PCDHA8: variants seen among roughly 807,000 people sequenced by gnomAD.
The protein encoded by PCDHA8 is protocadherin alpha 8, also known as protocadherin alpha-8.
In PCDHA8, 53 loss-of-function variants were observed where a neutral mutation model predicts 61.8. The ratio of observed to expected loss-of-function variants is 0.86; its 90% CI spans 0.69 to 1.08. The LOEUF is 1.08. PCDHA8 is among the 50% of genes least tolerant of loss of function. The pLI is 0.00. For missense variants in PCDHA8, 1,293 were observed against 1,245.0 expected, an observed-to-expected ratio of 1.04 and a Z score of -0.58; for synonymous variants, 618 against 556.6, an observed-to-expected ratio of 1.11 and a Z score of -1.55.
Position 140,841,572 on chromosome 5 carries a change from T to C in PCDHA8, c.251T>C (p.Leu84Ser), listed in dbSNP as rs1562389584. The C allele has an allele frequency of 2.5e-6, 4 of 1,613,982 alleles. No homozygotes were observed. Among genetic ancestry groups the C allele is most frequent in the Middle Eastern group, 1.7e-4 (1 of 5,976 alleles). Residue 84 changes from leucine to serine, a missense_variant, in exon 1 of 4, where the codon TTG (leucine) becomes TCG (serine). Leu to Ser is a moderately radical substitution (Grantham distance 145, BLOSUM62 -2). Transcript: ENST00000531613. ...LLEVSLQNGILFVNSRIDREE... is the reference protein window; with the variant it reads ...LLEVSLQNGISFVNSRIDREE... ...GAGGTAAGTCTGCAGAATGGCATTTTGTTTGTGAATTCTCGGATCGACCGC... is the reference window on the plus strand; with the variant it reads ...GAGGTAAGTCTGCAGAATGGCATTTCGTTTGTGAATTCTCGGATCGACCGC...
rs199976895 is a variant in PCDHA8 at position 140,968,276 on chromosome 5, G to T, written c.2395-10673G>T. The T allele has an allele frequency of 9.2e-5, 148 of 1,613,952 alleles. No homozygotes were observed. Among genetic ancestry groups the T allele is most frequent in the Admixed American group, 5.5e-4 (33 of 60,008 alleles). On this transcript the variant is annotated intron_variant, in intron 1 of 3. Transcript: ENST00000531613. ...CCCAGATGAAAAGGAGAATGCAGAGGTGACCTACTCCCTTCTGGAGAGGGA... is the reference window on the plus strand; with the variant it reads ...CCCAGATGAAAAGGAGAATGCAGAGTTGACCTACTCCCTTCTGGAGAGGGA...
rs782181380 is a variant in PCDHA8 at position 140,857,975 on chromosome 5, C to A, written c.2394+14260C>A. 5 of 1,596,906 alleles carry A rather than the reference C, an allele frequency of 3.1e-6. 1 individual carries two copies. The highest frequency in any genetic ancestry group is 3.4e-6 in the Non-Finnish European group (4 of 1,167,228). On this transcript the variant is annotated intron_variant, in intron 1 of 3. Coordinates refer to ENST00000531613, the MANE Select transcript of PCDHA8 (RefSeq NM_018911.3). ...CGCTCTGGATGAGACTGACTCGCCA[C>A]GCCAGCGCCTACTGGTGCTGGTGAA...
chr5:140,854,665 T>C (rs2043184095), intron 1 of PCDHA8: 1 of 150,092 alleles, frequency 6.7e-6, no homozygotes, highest in Non-Finnish European at 1.5e-5. Context: ...AATTAACCCT[T>C]GCATAAGACC....
At chr5:140,897,610 C>T (rs1439314706) in intron 1 of PCDHA8, among the ~76,000 whole-genome samples, 2 of 152,078 alleles carry the variant, frequency 1.3e-5, no homozygotes, top group East Asian at 1.9e-4. Context: ...TGGGTTGGTT[C>T]CAAGTCTTTA....
intron 1 of PCDHA8, chr5:140,856,365 A>C: frequency 3.1e-6 from 5 of 1,598,426 alleles, no homozygotes; most frequent in Non-Finnish European, 2.6e-6. Flanking sequence ...ATCCACCTGG[A>C]GGTGATCGTG....
chr5:140,944,242 C>T (rs969404044), intron 1 of PCDHA8, among the ~76,000 whole-genome samples: 1 of 152,172 alleles, frequency 6.6e-6, no homozygotes, highest in African/African-American at 2.4e-5. Flanking sequence ...GGCTGGAGTG[C>T]AGTGATGTGA....
At chr5:140,979,865 G>C (rs2096867408) in intron 2 of PCDHA8, among the ~76,000 whole-genome samples, 1 of 152,162 alleles carries the variant, frequency 6.6e-6, no homozygotes, top group Non-Finnish European at 1.5e-5. Flanking sequence ...CAAAATATCT[G>C]GGCAACTATC....
chr5:141,009,702 C>T lies in PCDHA8; in HGVS notation c.2618C>T (p.Pro873Leu). 1 of 1,614,056 alleles carries T rather than the reference C, an allele frequency of 6.2e-7. No individual in the cohort carries two copies. The highest frequency in any genetic ancestry group is 8.5e-7 in the Non-Finnish European group (1 of 1,180,028). The change falls in exon 4 of 4, where the codon CCA becomes CTA. Residue 873 changes from proline to leucine, a missense_variant. Transcript: ENST00000531613. ...AACAGCTGGACCTTTAAATACGGAC[C>T]AGGCAACCCCAAACAATCCGGTCCC... is the stretch of plus-strand genomic sequence containing the variant. The part of the protein sequence containing the change: ...NSNSWTFKYG[P>L]GNPKQSGPGE...
chr5:141,000,417 A>ATTTT (rs1563652061), intron 3 of PCDHA8, among the ~76,000 whole-genome samples: 4 of 77,746 alleles, frequency 5.1e-5, no homozygotes, highest in African/African-American at 1.1e-4. Flanking sequence ...ATATATATAT[A>ATTTT]TATATTTTTT....
At chr5:140,917,518 C>T (rs1159309425) in intron 1 of PCDHA8, among the ~76,000 whole-genome samples, 3 of 152,198 alleles carry the variant, frequency 2.0e-5, no homozygotes, top group Non-Finnish European at 4.4e-5. Context: ...AGGTTTTATT[C>T]TACGGTTTGT....
At chr5:140,924,662 A>C (rs891233024) in intron 1 of PCDHA8, among the ~76,000 whole-genome samples, 6 of 152,166 alleles carry the variant, frequency 3.9e-5, no homozygotes, top group Non-Finnish European at 5.9e-5. Flanking sequence ...TGGGAGGCCG[A>C]GGCAGGCCAA....
At chr5:140,845,035 G>A (rs1427311138) in intron 1 of PCDHA8, among the ~76,000 whole-genome samples, 3 of 149,148 alleles carry the variant, frequency 2.0e-5, no homozygotes, top group Middle Eastern at 3.4e-3. Context: ...GCATATTTTA[G>A]CCCCCTTGTC....
chr5:140,928,126 C>G (rs782461261), intron 1 of PCDHA8: 1 of 1,614,058 alleles, frequency 6.2e-7, no homozygotes, highest in African/African-American at 1.3e-5. Context: ...CAGTGAATAC[C>G]AAGTCCTGAT....
intron 1 of PCDHA8, among the ~76,000 whole-genome samples, chr5:140,903,309 A>C (rs1435676177): frequency 6.6e-6 from 1 of 152,226 alleles, no homozygotes; most frequent in Non-Finnish European, 1.5e-5. Context: ...GTATACAATA[A>C]AGACAGCATT....
At chr5:140,978,597 A>G (rs897045455) in intron 1 of PCDHA8, among the ~76,000 whole-genome samples, 1 of 152,234 alleles carries the variant, frequency 6.6e-6, no homozygotes, top group Non-Finnish European at 1.5e-5. Flanking sequence ...TTAATGGGGC[A>G]CTTGAGGGCA....
rs145229632 is a variant in PCDHA8 at position 140,928,096 on chromosome 5, C to A, written c.2395-50853C>A. ...CTACTACAGCCTGCTGATTGATGGG[C>A]CCCTGGACCGGGAGCAGATCAGTGA... On this transcript the variant is annotated intron_variant, in intron 1 of 3. Coordinates refer to ENST00000531613, the MANE Select transcript of PCDHA8 (RefSeq NM_018911.3). 3.5e-5 allele frequency: 57 copies of A among 1,614,052 alleles called. No homozygotes were observed. In the African/African-American group the frequency reaches 6.8e-4, roughly 19 times the overall value.
intron 1 of PCDHA8, chr5:140,877,134 C>T (rs1339173132): frequency 1.4e-5 from 22 of 1,613,594 alleles, no homozygotes; most frequent in Non-Finnish European, 1.8e-5. Flanking sequence ...TGCAGGTGTT[C>T]GTGCTGGACG....
intron 3 of PCDHA8, among the ~76,000 whole-genome samples, chr5:141,005,808 C>T (rs2153985730): frequency 6.6e-6 from 1 of 150,460 alleles, no homozygotes; most frequent in African/African-American, 2.5e-5. Context: ...CTCCAAGGAG[C>T]CAGGTATGGT....
In PCDHA8 at chr5:140,842,663, G is replaced by A. The variant is rs2150341486; in HGVS notation, c.1342G>A (p.Val448Met). The A allele has an allele frequency of 3.4e-5, 54 of 1,595,410 alleles. 5 individuals are homozygous for A. Among genetic ancestry groups the A allele is most frequent in the South Asian group, 1.5e-4 (14 of 90,476 alleles). ...CAGCTTGTCTGTGGAGGTGGCCGAC[G>A]TGAACGACAATGCTCCGGCGTTCGC... Reference protein sequence around the residue: ...TASLSVEVADVNDNAPAFAQP... With the variant: ...TASLSVEVADMNDNAPAFAQP... Residue 448 changes from valine to methionine, a missense_variant, in exon 1 of 4, where the codon GTG becomes ATG. Physicochemically the swap from Val to Met is conservative, Grantham distance 21. Transcript: ENST00000531613.
Sources: gnomAD v4.1 joint callset for allele counts (sites outside exome capture counted in the v4.1 genomes callset) on GRCh38, gnomAD v4.1.1 for gene constraint, MANE v1.5 for transcripts, NCBI Gene and HGNC (gene_info 2026-07-23, HGNC 2026-07-21) for gene names.